RBFOX1: variants seen among roughly 807,000 people sequenced by gnomAD.
RBFOX1 encodes the protein RNA binding fox-1 homolog 1, also known as RNA binding protein fox-1 homolog 1.
RBFOX1 carries 8 observed loss-of-function variants against 57.7 expected under a neutral mutation model. The ratio of observed to expected loss-of-function variants is 0.14; its 90% CI spans 0.08 to 0.25. The LOEUF (loss-of-function observed/expected upper bound fraction) is 0.25. Among genes scored for constraint, RBFOX1 ranks in the 10% least tolerant of loss-of-function variants. The probability of loss-of-function intolerance (pLI) is 1.00; values close to 1 mark genes in which losing one functional copy is unlikely to be tolerated. For synonymous variants in RBFOX1, 326 were observed against 222.4 expected (o/e 1.47, Z -4.15); for missense variants, 611 against 548.5 (o/e 1.11, Z -1.14).
At chr16:6,483,511 G>A (rs1224199696) in intron 2 of RBFOX1, 2 of 1,535,722 alleles carry the variant, frequency 1.3e-6, no homozygotes, top group East Asian at 4.9e-5. Flanking sequence ...TGAAATCTTG[G>A]CAGCTAATTG....
chr16:6,936,200 A>C (rs1194319883), intron 3 of RBFOX1, among the ~76,000 whole-genome samples: 1 of 152,218 alleles, frequency 6.6e-6, no homozygotes, highest in Non-Finnish European at 1.5e-5. Context: ...TATTACCTTA[A>C]GGATATTCTT....
At chr16:7,416,752 G>C (rs2098481790) in intron 4 of RBFOX1, among the ~76,000 whole-genome samples, 1 of 152,002 alleles carries the variant, frequency 6.6e-6, no homozygotes, top group African/African-American at 2.4e-5. Flanking sequence ...CCACATATAT[G>C]TGGACACTAG....
intron 2 of RBFOX1, among the ~76,000 whole-genome samples, chr16:6,548,728 T>C (rs979562761): frequency 3.9e-5 from 6 of 152,100 alleles, no homozygotes; most frequent in Admixed American, 6.5e-5. Context: ...CAGATCTGCT[T>C]CCTCTCTTGG....
At chr16:7,616,555 C>G (rs982469365) in intron 10 of RBFOX1, among the ~76,000 whole-genome samples, 10 of 152,164 alleles carry the variant, frequency 6.6e-5, no homozygotes, top group African/African-American at 2.2e-4. Flanking sequence ...CTCAGGCATA[C>G]AAAAACAATT....
chr16:7,576,396 T>C (rs1323295103), intron 5 of RBFOX1, among the ~76,000 whole-genome samples: 1 of 152,182 alleles, frequency 6.6e-6, no homozygotes, highest in Non-Finnish European at 1.5e-5. Flanking sequence ...GATTTCCTTT[T>C]TCTGTTGTTT....
chr16:6,904,382 G>T (rs7500032), intron 3 of RBFOX1, among the ~76,000 whole-genome samples: 1 of 151,534 alleles, frequency 6.6e-6, no homozygotes, highest in African/African-American at 2.4e-5. Context: ...GGGAGGATAA[G>T]TTGAGGTCAG....
chr16:7,260,958 C>A (rs2094896478), intron 4 of RBFOX1, among the ~76,000 whole-genome samples: 1 of 152,170 alleles, frequency 6.6e-6, no homozygotes, highest in Admixed American at 6.5e-5. Context: ...ACAGCCCCTT[C>A]AAGGGTCAAG....
At chr16:7,170,420 G>A (rs1385402925) in intron 4 of RBFOX1, among the ~76,000 whole-genome samples, 1 of 151,962 alleles carries the variant, frequency 6.6e-6, no homozygotes, top group Non-Finnish European at 1.5e-5. Context: ...TACAGGCACA[G>A]GTCACCACAC....
intron 1 of RBFOX1, among the ~76,000 whole-genome samples, chr16:6,305,407 T>C (rs2079377685): frequency 6.6e-6 from 1 of 152,170 alleles, no homozygotes; most frequent in Non-Finnish European, 1.5e-5. Flanking sequence ...GAGATGCTCC[T>C]CCTCCTCCTT....
At chr16:5,975,652 A>G (rs2060047647) in intron 4 of RBFOX1, among the ~76,000 whole-genome samples, 1 of 152,128 alleles carries the variant, frequency 6.6e-6, no homozygotes, top group African/African-American at 2.4e-5. Context: ...AAAGGATGTC[A>G]TGTCATAGTC....
At chr16:7,072,729 A>C (rs1228137174) in intron 4 of RBFOX1, among the ~76,000 whole-genome samples, 1 of 152,256 alleles carries the variant, frequency 6.6e-6, no homozygotes, top group Non-Finnish European at 1.5e-5. Flanking sequence ...TATATGAAGC[A>C]TCATTTTCAG....
At chr16:6,614,570 C>T (rs369141098) in intron 2 of RBFOX1, among the ~76,000 whole-genome samples, 9 of 152,248 alleles carry the variant, frequency 5.9e-5, no homozygotes, top group East Asian at 5.8e-4. Flanking sequence ...GAAATGTCTT[C>T]GCCTAGTTCT....
chr16:6,114,544 A>T (rs1162153986), intron 1 of RBFOX1, among the ~76,000 whole-genome samples: 2 of 144,490 alleles, frequency 1.4e-5, no homozygotes, highest in Non-Finnish European at 3.0e-5. Flanking sequence ...TGTCAATTAG[A>T]ATCAATGGCA....
At chr16:6,506,913 G>A (rs1278498732) in intron 2 of RBFOX1, among the ~76,000 whole-genome samples, 1 of 152,154 alleles carries the variant, frequency 6.6e-6, no homozygotes, top group East Asian at 1.9e-4. Flanking sequence ...CTCCCAAAGT[G>A]CTGGGGTTAC....
At chr16:7,548,942 C>G (rs2085461324) in intron 5 of RBFOX1, among the ~76,000 whole-genome samples, 1 of 152,124 alleles carries the variant, frequency 6.6e-6, no homozygotes, top group African/African-American at 2.4e-5. Flanking sequence ...AACATGCAGA[C>G]CAAGGAAAAG....
In RBFOX1 at chr16:7,332,787, T is replaced by G. The variant is rs1047283357; in HGVS notation, c.28-185360T>G. On this transcript the variant is annotated intron_variant, in intron 4 of 15. Coordinates refer to ENST00000550418, the MANE Select transcript of RBFOX1 (RefSeq NM_018723.4). ...GGTAGCTTCAACTTTGCAGCTGCTG[T>G]GTCTCTTCGTCGTCTGGGAAGAAAA... 1.2e-5 allele frequency: 17 copies of G among 1,394,510 alleles called. No homozygotes were observed. In the African/African-American group the frequency reaches 2.3e-4, roughly 19 times the overall value. 86.4% of individuals were successfully genotyped at this position (1,394,510 alleles called of 1,614,324 possible). A position where few individuals can be genotyped will look rare whatever the true frequency, so the allele number is the denominator to read the frequency against.
At chr16:6,896,646 G>T (rs1330423337) in intron 3 of RBFOX1, among the ~76,000 whole-genome samples, 3 of 152,156 alleles carry the variant, frequency 2.0e-5, no homozygotes, top group African/African-American at 7.2e-5. Flanking sequence ...AACGCACTTA[G>T]AACAGTGCTT....
At chr16:5,445,333 T>C (rs1191006645) in intron 1 of RBFOX1, among the ~76,000 whole-genome samples, 2 of 152,174 alleles carry the variant, frequency 1.3e-5, no homozygotes, top group African/African-American at 2.4e-5. Flanking sequence ...GGCTTGAATG[T>C]TCCATGTTCT....
At chr16:6,038,533 T>G (rs1050958958) in intron 1 of RBFOX1, 2 of 143,882 alleles carry the variant, frequency 1.4e-5, no homozygotes, top group African/African-American at 2.6e-5. Context: ...TCCGTGGAGA[T>G]ATATATATAT....
Sources: gnomAD v4.1 joint callset for allele counts (sites outside exome capture counted in the v4.1 genomes callset) on GRCh38, gnomAD v4.1.1 for gene constraint, MANE v1.5 for transcripts, NCBI Gene and HGNC (gene_info 2026-07-23, HGNC 2026-07-21) for gene names.